The following THSD7B variants were observed in gnomAD, a reference collection of about 807,000 sequenced individuals.
THSD7B encodes the protein thrombospondin type-1 domain-containing protein 7B.
In THSD7B, 138 loss-of-function variants were observed where a neutral mutation model predicts 213.6. The ratio of observed to expected loss-of-function variants is 0.65; its 90% CI spans 0.56 to 0.74. The LOEUF is 0.74. THSD7B is among the 30% of genes least tolerant of loss of function. The pLI is 0.00. For synonymous variants in THSD7B, 742 were observed against 687.0 expected (o/e 1.08, Z -1.25); for missense variants, 1,931 against 1,991.5 (o/e 0.97, Z 0.58).
chr2:137,291,831 A>G (rs1683346578), intron 12 of THSD7B, among the ~76,000 whole-genome samples: 1 of 152,170 alleles, frequency 6.6e-6, no homozygotes, highest in Non-Finnish European at 1.5e-5. Flanking sequence ...ATAATTTCTC[A>G]GGTGCCACTC....
intron 1 of THSD7B, among the ~76,000 whole-genome samples, chr2:136,784,423 C>T (rs1394297516): frequency 6.6e-6 from 1 of 151,830 alleles, no homozygotes; most frequent in Non-Finnish European, 1.5e-5. Context: ...TTTTGTAAGA[C>T]ATTAAAGGGC....
In THSD7B at chr2:137,519,293, A is replaced by G. The variant is rs533447361; in HGVS notation, c.3139-43928A>G. ...AAATAAATAGAAAAAGGAAAAGGCC[A>G]TTATTATTCAGATATGAGCAAGATG... is the stretch of plus-strand genomic sequence containing the variant. On this transcript the variant is annotated intron_variant, in intron 15 of 27. Coordinates refer to ENST00000409968, the MANE Select transcript of THSD7B (RefSeq NM_001316349.2). Among the ~76,000 whole-genome samples the G allele has an allele frequency of 1.6e-4, 24 of 148,044 alleles. No individual in the cohort carries two copies. In the South Asian group the frequency reaches 3.0e-3, roughly 18 times the overall value.
At chr2:136,914,695 G>A (rs936054966) in intron 2 of THSD7B, among the ~76,000 whole-genome samples, 1 of 152,106 alleles carries the variant, frequency 6.6e-6, no homozygotes, top group Non-Finnish European at 1.5e-5. Flanking sequence ...TGTAAAAAGT[G>A]CCTTTCACCC....
chr2:137,050,221 G>T (rs1305491119), intron 2 of THSD7B, among the ~76,000 whole-genome samples: 18 of 152,044 alleles, frequency 1.2e-4, no homozygotes, highest in Non-Finnish European at 2.4e-4. Context: ...CTTTTTTTAG[G>T]CTTTAGAATT....
chr2:137,249,155 A>G (rs1195339211), intron 10 of THSD7B, among the ~76,000 whole-genome samples: 1 of 152,178 alleles, frequency 6.6e-6, no homozygotes, highest in Non-Finnish European at 1.5e-5. Flanking sequence ...AGTTCTGCTG[A>G]TAAAATTCAT....
chr2:137,088,878 C>A (rs1687892429), intron 3 of THSD7B, among the ~76,000 whole-genome samples: 4 of 152,070 alleles, frequency 2.6e-5, no homozygotes, highest in Admixed American at 2.6e-4. Context: ...AAATGTTGAA[C>A]ATCACTAATG....
chr2:137,554,007 G>A (rs1346934303), intron 15 of THSD7B, among the ~76,000 whole-genome samples: 8 of 143,064 alleles, frequency 5.6e-5, no homozygotes, highest in Admixed American at 1.4e-4. Context: ...CATTTTTCAC[G>A]ATTCTTAAAA....
chr2:136,982,849 T>C (rs1685605971), intron 2 of THSD7B, among the ~76,000 whole-genome samples: 2 of 152,200 alleles, frequency 1.3e-5, no homozygotes, highest in Admixed American at 1.3e-4. Flanking sequence ...TAAACAGAAT[T>C]GTTCATTTAA....
intron 27 of THSD7B, among the ~76,000 whole-genome samples, chr2:137,673,913 C>T (rs550475377): frequency 7.5e-4 from 114 of 152,294 alleles, no homozygotes; most frequent in Non-Finnish European, 1.5e-3. Flanking sequence ...AAATGAGGTC[C>T]TAATCCCAAT....
At chr2:137,425,026 C>G (rs1023494182) in intron 14 of THSD7B, among the ~76,000 whole-genome samples, 2 of 150,618 alleles carry the variant, frequency 1.3e-5, no homozygotes, top group African/African-American at 4.9e-5. Context: ...GAGCGGAGAT[C>G]GCGCCACTGC....
intron 2 of THSD7B, among the ~76,000 whole-genome samples, chr2:137,026,186 C>T (rs907163334): frequency 6.6e-6 from 1 of 152,174 alleles, no homozygotes; most frequent in Admixed American, 6.5e-5. Flanking sequence ...GAAACACACA[C>T]ACTCAGCAGT....
chr2:137,302,321 T>G (rs1160760291), intron 12 of THSD7B, among the ~76,000 whole-genome samples: 1 of 152,032 alleles, frequency 6.6e-6, no homozygotes, highest in African/African-American at 2.4e-5. Flanking sequence ...CAGTGGTGCA[T>G]GGAGAAGACC....
intron 12 of THSD7B, among the ~76,000 whole-genome samples, chr2:137,321,263 T>C (rs1684260015): frequency 6.6e-6 from 1 of 152,182 alleles, no homozygotes; most frequent in Non-Finnish European, 1.5e-5. Flanking sequence ...TGGTGTAGAA[T>C]AGGAAATTTT....
chr2:137,437,954 G>A (rs553932235), intron 14 of THSD7B, among the ~76,000 whole-genome samples: 6 of 152,144 alleles, frequency 3.9e-5, no homozygotes, highest in Non-Finnish European at 7.4e-5. Flanking sequence ...GGGAAGACTT[G>A]AGACATTTGA....
intron 17 of THSD7B, among the ~76,000 whole-genome samples, chr2:137,598,861 A>G (rs1436944339): frequency 7.2e-6 from 1 of 139,678 alleles, no homozygotes; most frequent in Admixed American, 7.0e-5. Context: ...TTTTTCTTTT[A>G]TGTTTCATTT....
chr2:137,006,018 A>G (rs1466832984), intron 2 of THSD7B, among the ~76,000 whole-genome samples: 1 of 152,168 alleles, frequency 6.6e-6, no homozygotes, highest in Non-Finnish European at 1.5e-5. Context: ...ATGGAAAACC[A>G]TTTTCACACC....
intron 2 of THSD7B, among the ~76,000 whole-genome samples, chr2:136,974,244 C>G (rs1020364987): frequency 6.6e-6 from 1 of 152,068 alleles, no homozygotes; most frequent in African/African-American, 2.4e-5. Context: ...ATGTTTGTTA[C>G]ATATGTAAAT....
chr2:137,286,214 A>G (rs1253513146), intron 12 of THSD7B, among the ~76,000 whole-genome samples: 2 of 152,110 alleles, frequency 1.3e-5, no homozygotes, highest in Non-Finnish European at 2.9e-5. Context: ...AGAGAAAACT[A>G]TTTGTATTGT....
intron 17 of THSD7B, among the ~76,000 whole-genome samples, chr2:137,586,983 T>C (rs1681746577): frequency 6.6e-6 from 1 of 152,248 alleles, no homozygotes; most frequent in African/African-American, 2.4e-5. Context: ...CAATCAGACA[T>C]AGATTTGGTC....
Sources: gnomAD v4.1 joint callset for allele counts (sites outside exome capture counted in the v4.1 genomes callset) on GRCh38, gnomAD v4.1.1 for gene constraint, MANE v1.5 for transcripts, NCBI Gene and HGNC (gene_info 2026-07-23, HGNC 2026-07-21) for gene names.